The following CRLF1 variants were observed in gnomAD, a reference collection of about 807,000 sequenced individuals.
CRLF1 encodes the protein cytokine receptor like factor 1.
A neutral mutation model predicts 48.9 loss-of-function variants in CRLF1; 36 were observed. That is an observed-to-expected ratio of 0.74 (90% CI 0.56 to 0.97). The LOEUF (loss-of-function observed/expected upper bound fraction) is 0.97. CRLF1 is among the 50% of genes least tolerant of loss of function. CRLF1 has a pLI of 0.00. For missense variants in CRLF1, 534 were observed against 575.1 expected (o/e 0.93, Z 0.73); for synonymous variants, 256 against 253.4 (o/e 1.01, Z -0.10).
rs746338472 is a variant in CRLF1, at chr19:18,599,677, G to A, written c.285C>T (p.Thr95=). The part of the protein sequence containing the change: ...PELSRVLNAS[T]LALALANLNG... ...TGAGGTTGGCCAGGGCCAGAGCCAA[G>A]GTGGAGGCGTTGAGTACACGGGAGA... Residue 95 remains threonine, a synonymous_variant, in exon 2 of 9, where the codon ACC becomes ACT. Transcript: ENST00000392386. 1 of 1,613,210 alleles carries A rather than the reference G, an allele frequency of 6.2e-7. No homozygotes were observed. Among genetic ancestry groups the A allele is most frequent in the Non-Finnish European group, 8.5e-7 (1 of 1,179,788 alleles).
chr19:18,596,471 C>T (rs1165388681), intron 6 of CRLF1, 151 bp downstream of exon 6: 2 of 976,754 alleles, frequency 2.0e-6, no homozygotes, highest in Non-Finnish European at 2.9e-6. Context: ...AACCGGGAGG[C>T]AGAGGTTGCA....
At chr19:18,605,698 A>G (rs1241058435) in intron 1 of CRLF1, among the ~76,000 whole-genome samples, 1 of 152,152 alleles carries the variant, frequency 6.6e-6, no homozygotes, top group Non-Finnish European at 1.5e-5. Flanking sequence ...GCGGGTCTGC[A>G]TACGGAGACG....
chr19:18,594,035 C>T (rs1568439438), intron 8 of CRLF1, 30 bp downstream of exon 8: 5 of 555,794 alleles, frequency 9.0e-6, no homozygotes, highest in Non-Finnish European at 1.6e-5. Flanking sequence ...CCCTTGCTCC[C>T]TCCCGCCCAC....
At chr19:18,594,471 C>G in intron 6 of CRLF1, 37 bp from the exon 7 acceptor site, 1 of 1,304,862 alleles carries the variant, frequency 7.7e-7, no homozygotes, top group South Asian at 2.4e-5. Context: ...AGAGCGCGCC[C>G]GGCAGGGGGT....
chr19:18,594,029 T>TGGGTGGGGGG, intron 8 of CRLF1, 36 bp downstream of exon 8: 1 of 1,366,648 alleles, frequency 7.3e-7, no homozygotes, highest in Non-Finnish European at 1.0e-6. Context: ...GCCCTCCCCT[T>TGGGTGGGGGG]GCTCCCTCCC....
intron 8 of CRLF1, 66 bp downstream of exon 8, chr19:18,593,999 A>G: frequency 6.5e-7 from 1 of 1,536,064 alleles, no homozygotes; most frequent in Non-Finnish European, 8.8e-7. Flanking sequence ...TGTGAACAAG[A>G]CCTGCAGCCA....
In CRLF1 at chr19:18,602,337, G is replaced by A. The variant is rs185186707; in HGVS notation, c.116-2491C>T. Among the ~76,000 whole-genome samples the A allele has an allele frequency of 7.2e-5, 11 of 152,308 alleles. No homozygotes were observed. In the East Asian group the frequency reaches 9.6e-4, roughly 13 times the overall value. ...CAATGTCATGGGGTTGGCTGGGTGC[G>A]GTGGCTCATGCCTGTAATCCCAGCA... On this transcript the variant is annotated intron_variant, in intron 1 of 8. Transcript: ENST00000392386.
At chr19:18,600,462 G>A (rs1435030910) in intron 1 of CRLF1, among the ~76,000 whole-genome samples, 2 of 151,848 alleles carry the variant, frequency 1.3e-5, no homozygotes, top group Non-Finnish European at 2.9e-5. Context: ...TCCGCCTCCC[G>A]GGATCATGCC....
Position 18,593,928 on chromosome 19 carries a change from C to T in CRLF1, c.1255+137G>A, listed in dbSNP as rs1229378113. On this transcript the variant is annotated intron_variant, in intron 8 of 8. Transcript: ENST00000392386. The stretch of plus-strand genomic sequence containing the variant: ...GTGCTAAGTAAATGCTGATGAATAA[C>T]AAAGGAAGAGGACGGATTCCATCTC... The T allele has an allele frequency of 6.1e-6, 9 of 1,468,846 alleles. No individual in the cohort carries two copies. The Middle Eastern group carries it at 7.4e-4, about 120-fold the overall frequency. The allele number at this position is 1,468,846 out of a possible 1,614,324, so 91.0% of individuals were successfully genotyped here.
Position 18,593,474 on chromosome 19 carries a change from G to C in CRLF1, c.*92C>G. ...CCAGCTCCTGCTGAGGGTGGCTCAG[G>C]TGCCCTGAAGTGAGGGTACAGAGGT... On this transcript the variant is annotated 3_prime_UTR_variant, in exon 9 of 9. Coordinates refer to ENST00000392386, the MANE Select transcript of CRLF1 (RefSeq NM_004750.5). 1 of 1,564,732 alleles carries C rather than the reference G, an allele frequency of 6.4e-7. No individual in the cohort carries two copies. Among genetic ancestry groups the C allele is most frequent in the Non-Finnish European group, 8.7e-7 (1 of 1,150,352 alleles).
chr19:18,602,709 A>C (rs927723056), intron 1 of CRLF1, among the ~76,000 whole-genome samples: 3 of 152,044 alleles, frequency 2.0e-5, no homozygotes, highest in African/African-American at 7.2e-5. Context: ...ATTGTTGGAG[A>C]CAATATTTTC....
At chr19:18,604,792 C>G (rs1284768029) in intron 1 of CRLF1, among the ~76,000 whole-genome samples, 1 of 152,194 alleles carries the variant, frequency 6.6e-6, no homozygotes, top group Non-Finnish European at 1.5e-5. Flanking sequence ...TTGAACAGCT[C>G]CCTTTTCACT....
At chr19:18,600,556 C>T (rs929104385) in intron 1 of CRLF1, among the ~76,000 whole-genome samples, 12 of 152,166 alleles carry the variant, frequency 7.9e-5, no homozygotes, top group South Asian at 2.1e-4. Context: ...TTAGTAGAGA[C>T]GGGGTTTCAG....
intron 2 of CRLF1, among the ~76,000 whole-genome samples, chr19:18,599,311 G>A (rs1260063321): frequency 6.6e-6 from 1 of 152,132 alleles, no homozygotes; most frequent in Admixed American, 6.5e-5. Context: ...TCGCCATGTA[G>A]GCCAGCCTGG....
In CRLF1 at chr19:18,606,506, T is replaced by C; in HGVS notation, c.115+36A>G. On this transcript the variant is annotated intron_variant, in intron 1 of 8. Coordinates refer to ENST00000392386, the MANE Select transcript of CRLF1 (RefSeq NM_004750.5). This position sits in a 1 kb window ranked among gnomAD's most constrained non-coding sequence, Gnocchi z 4.8. The stretch of plus-strand genomic sequence containing the variant: ...CCCCCGGGGCGCCCGCCCTCTGCTC[T>C]GGCAGGGGGGAAGGAGTGGGGCGCC... 1 of 1,124,728 alleles carries C rather than the reference T, an allele frequency of 8.9e-7. No homozygotes were observed. The highest frequency in any genetic ancestry group is 1.1e-6 in the Non-Finnish European group (1 of 919,884). The allele number at this position is 1,124,728 out of a possible 1,614,324, so 69.7% of individuals were successfully genotyped here. A position where few individuals can be genotyped will look rare whatever the true frequency, so the allele number is the denominator to read the frequency against.
intron 2 of CRLF1, chr19:18,599,170 A>G (rs1256420854): frequency 1.1e-6 from 1 of 945,030 alleles, no homozygotes; most frequent in African/African-American, 1.8e-5. Flanking sequence ...CAATGGTGCC[A>G]TCTCAGCTCA....
At chr19:18,601,573 C>G (rs1238747970) in intron 1 of CRLF1, among the ~76,000 whole-genome samples, 1 of 152,090 alleles carries the variant, frequency 6.6e-6, no homozygotes, top group African/African-American at 2.4e-5. Context: ...CCGCGCCCAG[C>G]CTGTATTTTT....
chr19:18,594,927 C>T (rs1976111158), intron 6 of CRLF1, among the ~76,000 whole-genome samples: 2 of 152,100 alleles, frequency 1.3e-5, no homozygotes, highest in Non-Finnish European at 2.9e-5. Flanking sequence ...GACAGAAACC[C>T]TGGGGACATA....
Position 18,602,901 on chromosome 19 carries a change from G to T in CRLF1, c.116-3055C>A, listed in dbSNP as rs545630114. Among the ~76,000 whole-genome samples, 504 of 152,136 alleles carry T rather than the reference G, an allele frequency of 3.3e-3. 4 individuals are homozygous for T. The highest frequency in any genetic ancestry group is 6.2e-3 in the Non-Finnish European group (422 of 67,990). On this transcript the variant is annotated intron_variant, in intron 1 of 8. Transcript: ENST00000392386. The stretch of plus-strand genomic sequence containing the variant: ...AATTTTTGTATTTTTAGGAGAGACG[G>T]AGTTTCGCCATGTTGGCCAGGCTGG...
Sources: allele counts gnomAD v4.1 joint callset (sites outside exome capture counted in the v4.1 genomes callset), GRCh38; gene constraint gnomAD v4.1.1; non-coding constraint Gnocchi (gnomAD v3.1); transcripts MANE v1.5; gene names NCBI Gene and HGNC (gene_info 2026-07-23, HGNC 2026-07-21).